THBS4: variants seen among roughly 807,000 people sequenced by gnomAD.
THBS4 encodes thrombospondin 4.
A neutral mutation model predicts 115.7 loss-of-function variants in THBS4; 90 were observed. The ratio of observed to expected loss-of-function variants is 0.78; its 90% CI spans 0.66 to 0.93. THBS4 has a LOEUF of 0.93. THBS4 is among the 40% of genes least tolerant of loss of function. THBS4 has a pLI of 0.00. For synonymous variants in THBS4, 460 were observed against 479.3 expected (o/e 0.96, Z 0.53); for missense variants, 1,087 against 1,232.7 (o/e 0.88, Z 1.77).
At chr5:80,057,379 G>A (rs1164424457) in intron 3 of THBS4, among the ~76,000 whole-genome samples, 2 of 152,170 alleles carry the variant, frequency 1.3e-5, no homozygotes, top group African/African-American at 4.8e-5. Flanking sequence ...CACTCATTCA[G>A]TCAGTCAACA....
At chr5:80,027,314 G>C (rs1371545021) in intron 2 of THBS4, among the ~76,000 whole-genome samples, 1 of 152,080 alleles carries the variant, frequency 6.6e-6, no homozygotes, top group African/African-American at 2.4e-5. Flanking sequence ...CCCTCTCCTT[G>C]TTTCCTACTT....
At chr5:80,002,427 C>A (rs749278077) in intron 2 of THBS4, among the ~76,000 whole-genome samples, 4 of 152,070 alleles carry the variant, frequency 2.6e-5, no homozygotes, top group Non-Finnish European at 5.9e-5. Context: ...AACCCATTAG[C>A]ATGTCCCAAA....
intron 2 of THBS4, among the ~76,000 whole-genome samples, chr5:80,011,431 A>G (rs1302214998): frequency 6.6e-6 from 1 of 152,116 alleles, no homozygotes. Context: ...AGGAGGCCCT[A>G]TGCCTAGCTA....
At chr5:80,020,680 G>A (rs1832353454) in intron 2 of THBS4, among the ~76,000 whole-genome samples, 2 of 152,090 alleles carry the variant, frequency 1.3e-5, no homozygotes, top group South Asian at 4.1e-4. Context: ...AGGAAAGAAC[G>A]TGGGATTCAG....
Position 80,046,713 on chromosome 5 carries a change from A to G in THBS4, c.292+6433A>G, listed in dbSNP as rs143139861. 3.5e-4 allele frequency among the ~76,000 whole-genome samples: 54 copies of G among 152,252 alleles called. No individual in the cohort carries two copies. The East Asian group carries it at 0.01, about 28-fold the overall frequency. On this transcript the variant is annotated intron_variant, in intron 2 of 21. Transcript: ENST00000350881. ...ATGAAGTCGCTTATTATACCTTTCT[A>G]AATAATATAAAAAAGAACGAGCTAG...
intron 16 of THBS4, 69 bp from the exon 17 acceptor site, chr5:80,077,980 C>T (rs2288394): frequency 0.27 from 370,939 of 1,370,188 alleles, 53,484 homozygotes; most frequent in African/African-American, 0.47. Flanking sequence ...ATGCAGCCCC[C>T]TTCCCTGCCA....
chr5:80,082,176 AC>A, intron 20 of THBS4: 6 of 305,646 alleles, frequency 2.0e-5, no homozygotes, highest in South Asian at 6.8e-5. Context: ...AACACCCCCC[AC>A]CCCCCTCCAC....
At chr5:80,052,278 A>G (rs903766878) in intron 2 of THBS4, 3 of 152,280 alleles carry the variant, frequency 2.0e-5, no homozygotes, top group South Asian at 2.1e-4. Flanking sequence ...AAAAATTTTC[A>G]GATACAAATT....
rs763738317 is a variant in THBS4, at chr5:80,065,358, C to G, written c.1126-51C>G. 4 of 1,498,218 alleles carry G rather than the reference C, an allele frequency of 2.7e-6. No homozygotes were observed. The South Asian group carries it at 4.7e-5, about 18-fold the overall frequency. 92.8% of individuals were successfully genotyped at this position (1,498,218 alleles called of 1,614,324 possible). Reference sequence around the variant, plus strand: ...AAACAAAGGAGATTTATTTGCATTTCTATTTAAGCAGCATGTCTCGCTAAA... The same window carrying G: ...AAACAAAGGAGATTTATTTGCATTTGTATTTAAGCAGCATGTCTCGCTAAA... On this transcript the variant is annotated intron_variant, in intron 8 of 21. Transcript: ENST00000350881.
intron 19 of THBS4, 37 bp from the exon 20 acceptor site, chr5:80,079,868 T>A: frequency 6.2e-7 from 1 of 1,602,678 alleles, no homozygotes; most frequent in African/African-American, 1.3e-5. Context: ...GTGGTGCCTG[T>A]GTCCTGTCCT....
intron 4 of THBS4, among the ~76,000 whole-genome samples, 164 bp from the exon 5 acceptor site, chr5:80,058,544 A>ATTT (rs3214681): frequency 1.3e-5 from 2 of 151,846 alleles, no homozygotes; most frequent in Non-Finnish European, 2.9e-5. Flanking sequence ...CATTATCATT[A>ATTT]TTTTTTTTAG....
intron 16 of THBS4, 79 bp from the exon 17 acceptor site, chr5:80,077,970 A>T: frequency 7.7e-7 from 1 of 1,302,598 alleles, no homozygotes; most frequent in Non-Finnish European, 1.0e-6. Context: ...TCTGTTCCTC[A>T]TGCAGCCCCC....
intron 13 of THBS4, 132 bp downstream of exon 13, chr5:80,071,312 G>A: frequency 6.9e-7 from 1 of 1,443,394 alleles, no homozygotes; most frequent in Non-Finnish European, 9.1e-7. Context: ...GCCTGCATCT[G>A]GAAGACCCAA....
chr5:80,005,751 T>C (rs1832001434), intron 2 of THBS4, among the ~76,000 whole-genome samples: 1 of 150,998 alleles, frequency 6.6e-6, no homozygotes, highest in Non-Finnish European at 1.5e-5. Context: ...ACGGTATGTT[T>C]TGTTTGTGGC....
chr5:80,057,618 G>T (rs1214878290), intron 3 of THBS4, among the ~76,000 whole-genome samples: 2 of 152,172 alleles, frequency 1.3e-5, no homozygotes, highest in Admixed American at 1.3e-4. Context: ...ATGTTTTGTT[G>T]TATATAGATA....
chr5:80,055,538 C>T (rs1342486058), intron 2 of THBS4, among the ~76,000 whole-genome samples: 1 of 152,158 alleles, frequency 6.6e-6, no homozygotes, highest in African/African-American at 2.4e-5. Context: ...CACATATTGT[C>T]TGTTTCTCCA....
chr5:80,054,098 A>G (rs1380655845), intron 2 of THBS4, among the ~76,000 whole-genome samples: 1 of 152,136 alleles, frequency 6.6e-6, no homozygotes, highest in Non-Finnish European at 1.5e-5. Context: ...AACAAAAACA[A>G]AAACAGAAAA....
At chr5:80,038,387 T>A (rs1426507489) in intron 1 of THBS4, among the ~76,000 whole-genome samples, 2 of 152,204 alleles carry the variant, frequency 1.3e-5, no homozygotes, top group Non-Finnish European at 1.5e-5. Flanking sequence ...AGCTACATTT[T>A]AAAAATAGGT....
intron 1 of THBS4, among the ~76,000 whole-genome samples, chr5:80,038,765 C>T (rs2438651): frequency 0.23 from 34,965 of 151,992 alleles, 4,396 homozygotes; most frequent in African/African-American, 0.33. Context: ...GGATAAATTC[C>T]CATAAGCAGA....
Sources: gnomAD v4.1 joint callset for allele counts (sites outside exome capture counted in the v4.1 genomes callset) on GRCh38, gnomAD v4.1.1 for gene constraint, MANE v1.5 for transcripts, NCBI Gene and HGNC (gene_info 2026-07-23, HGNC 2026-07-21) for gene names.